Variants in CERS6 observed in about 807,000 individuals in gnomAD.
The protein encoded by CERS6 is ceramide synthase 6.
A neutral mutation model predicts 56.8 loss-of-function variants in CERS6; 26 were observed. The ratio of observed to expected loss-of-function variants is 0.46; its 90% confidence interval spans 0.34 to 0.63. The LOEUF is 0.63. CERS6 is among the 30% of genes least tolerant of loss of function. The probability of loss-of-function intolerance (pLI) is 0.01; values close to 1 mark genes in which losing one functional copy is unlikely to be tolerated. For missense variants in CERS6, 415 were observed against 467.5 expected (o/e 0.89, Z 1.04); for synonymous variants, 164 against 173.3 (o/e 0.95, Z 0.42).
chr2:168,656,181 A>G (rs1223725385), intron 4 of CERS6, among the ~76,000 whole-genome samples: 1 of 152,214 alleles, frequency 6.6e-6, no homozygotes, highest in African/African-American at 2.4e-5. Context: ...CATTGATCCA[A>G]TAATGTGGAA....
chr2:168,539,455 C>T (rs1695327016), intron 1 of CERS6, among the ~76,000 whole-genome samples: 1 of 152,280 alleles, frequency 6.6e-6, no homozygotes, highest in Admixed American at 6.5e-5. Flanking sequence ...TTAAACATTG[C>T]AAAGCTTTTG....
intron 1 of CERS6, among the ~76,000 whole-genome samples, chr2:168,503,664 G>C (rs139528862): frequency 6.6e-6 from 1 of 152,276 alleles, no homozygotes; most frequent in East Asian, 1.9e-4. Flanking sequence ...CTGTGGGGCT[G>C]AGTTAGGGCT....
chr2:168,768,319 TC>T (rs1684774160), intron 9 of CERS6, among the ~76,000 whole-genome samples: 1 of 151,800 alleles, frequency 6.6e-6, no homozygotes. Flanking sequence ...AACCTCCACT[TC>T]CTGGGCTCAA....
chr2:168,635,788 A>G (rs1684848430), intron 4 of CERS6, among the ~76,000 whole-genome samples: 1 of 152,174 alleles, frequency 6.6e-6, no homozygotes, highest in South Asian at 2.1e-4. Context: ...AGACTTTCTG[A>G]ATCCAACCTT....
At chr2:168,492,461 G>T (rs902261024) in intron 1 of CERS6, among the ~76,000 whole-genome samples, 11 of 152,130 alleles carry the variant, frequency 7.2e-5, no homozygotes, top group Admixed American at 1.3e-4. Flanking sequence ...TTTTTGATGG[G>T]GTTGTTTTTT....
intron 3 of CERS6, among the ~76,000 whole-genome samples, chr2:168,612,478 G>T (rs558684403): frequency 6.2e-4 from 94 of 152,342 alleles, no homozygotes; most frequent in Non-Finnish European, 1.0e-3. Context: ...AAAACTCAGG[G>T]TTAAGGCTTT....
chr2:168,630,179 A>T (rs75449628), intron 3 of CERS6, among the ~76,000 whole-genome samples: 5,387 of 151,592 alleles, frequency 0.036, 244 homozygotes, highest in African/African-American at 0.1. Context: ...TTTTTTTATG[A>T]TATCAGGAAT....
At chr2:168,482,555 A>C (rs1574012255) in intron 1 of CERS6, among the ~76,000 whole-genome samples, 1 of 152,230 alleles carries the variant, frequency 6.6e-6, no homozygotes, top group African/African-American at 2.4e-5. Context: ...TGCATAATTC[A>C]TGCAAAAAAT....
At chr2:168,746,220 A>G (rs1201858463) in intron 8 of CERS6, among the ~76,000 whole-genome samples, 1 of 152,244 alleles carries the variant, frequency 6.6e-6, no homozygotes, top group Non-Finnish European at 1.5e-5. Flanking sequence ...AACACAAAGA[A>G]GTAGGTTTTA....
chr2:168,560,628 T>C (rs576701783), intron 2 of CERS6, among the ~76,000 whole-genome samples: 17 of 152,082 alleles, frequency 1.1e-4, no homozygotes, highest in African/African-American at 3.9e-4. Context: ...GTGTGAAAAA[T>C]GGGGACAAAG....
intron 1 of CERS6, among the ~76,000 whole-genome samples, chr2:168,484,274 C>T (rs6433069): frequency 0.044 from 6,341 of 143,056 alleles, 262 homozygotes; most frequent in African/African-American, 0.11. Context: ...CTCCACCTCC[C>T]GGGTTCAAGT....
intron 6 of CERS6, among the ~76,000 whole-genome samples, chr2:168,710,606 G>A (rs1449723943): frequency 6.6e-6 from 1 of 152,160 alleles, no homozygotes; most frequent in Non-Finnish European, 1.5e-5. Flanking sequence ...TCCACATGAT[G>A]GAATCTAATA....
At chr2:168,484,781 T>C (rs1303899302) in intron 1 of CERS6, among the ~76,000 whole-genome samples, 1 of 152,316 alleles carries the variant, frequency 6.6e-6, no homozygotes, top group East Asian at 1.9e-4. Context: ...AGCATTTAAG[T>C]CCTGATATGT....
chr2:168,624,114 G>C (rs552732702), intron 3 of CERS6, among the ~76,000 whole-genome samples: 1 of 152,272 alleles, frequency 6.6e-6, no homozygotes, highest in East Asian at 1.9e-4. Context: ...GTTGCATTCA[G>C]TGAGCTGTTT....
At chr2:168,739,421 A>G (rs1046677090) in intron 8 of CERS6, among the ~76,000 whole-genome samples, 8 of 152,126 alleles carry the variant, frequency 5.3e-5, no homozygotes, top group African/African-American at 1.7e-4. Flanking sequence ...AAGGTTGGTC[A>G]TGTGGTAAAA....
At chr2:168,541,476 C>CT (rs1221283566) in intron 1 of CERS6, among the ~76,000 whole-genome samples, 2 of 150,970 alleles carry the variant, frequency 1.3e-5, no homozygotes, top group African/African-American at 4.9e-5. Context: ...TCCATTTTTT[C>CT]TTTCTTTTTT....
chr2:168,695,250 C>T (rs762316742), intron 6 of CERS6, among the ~76,000 whole-genome samples, 199 bp downstream of exon 6: 2 of 152,064 alleles, frequency 1.3e-5, no homozygotes, highest in African/African-American at 2.4e-5. Flanking sequence ...TTCGCTCATC[C>T]CCTAAAACTC....
chr2:168,637,472 G>T (rs1373524651), intron 4 of CERS6, among the ~76,000 whole-genome samples: 1 of 152,098 alleles, frequency 6.6e-6, no homozygotes, highest in Admixed American at 6.6e-5. Flanking sequence ...AATAGAGTGA[G>T]ACGCCGTCTA....
intron 8 of CERS6, among the ~76,000 whole-genome samples, chr2:168,746,775 G>GTATATATAATATATATA (rs1684107860): frequency 2.6e-5 from 1 of 38,992 alleles, no homozygotes; most frequent in Non-Finnish European, 5.4e-5. Flanking sequence ...AGGGTAAAGG[G>GTATATATAATATATATA]TATATATATA....
Sources: gnomAD v4.1 joint callset for allele counts (sites outside exome capture counted in the v4.1 genomes callset) on GRCh38, gnomAD v4.1.1 for gene constraint, MANE v1.5 for transcripts, NCBI Gene and HGNC (gene_info 2026-07-23, HGNC 2026-07-21) for gene names.